EYA1: variants seen among roughly 807,000 people sequenced by gnomAD.
EYA1 encodes EYA transcriptional coactivator and phosphatase 1, also known as protein phosphatase EYA1.
Under a neutral mutation model 82.0 loss-of-function variants are expected in EYA1, and 16 were observed. The observed-to-expected ratio is 0.20, with a 90% CI of 0.13 to 0.30. The LOEUF is 0.30. EYA1 is among the 10% of genes least tolerant of loss of function. EYA1 has a pLI of 1.00. For synonymous variants in EYA1, 261 were observed against 264.4 expected (o/e 0.99, Z 0.12); for missense variants, 633 against 730.7 (o/e 0.87, Z 1.54).
Position 71,199,412 on chromosome 8 carries a change from C to T in EYA1, c.1707G>A (p.Met569Ile). The change falls in exon 18 of 18, where the codon ATG (methionine) becomes ATA (isoleucine). Residue 569 changes from methionine to isoleucine, a missense_variant. Met to Ile is a conservative substitution (Grantham distance 10). Transcript: ENST00000340726. ...AGTGGCTGGAGATCCTCCAGAAGGG[C>T]ATCGCGTGCTGCAGCAGAGGCACAC... ...EEEQGAKKHA[M>I]PFWRISSHSD... 6.2e-7 allele frequency: 1 copy of T among 1,612,498 alleles called. No individual in the cohort carries two copies. Among genetic ancestry groups the T allele is most frequent in the Non-Finnish European group, 8.5e-7 (1 of 1,179,404 alleles).
intron 2 of EYA1, among the ~76,000 whole-genome samples, chr8:71,377,838 A>T (rs1828463693): frequency 6.6e-6 from 1 of 152,180 alleles, no homozygotes; most frequent in Non-Finnish European, 1.5e-5. Context: ...ATCATGTTAT[A>T]AGTGTAGCAT....
chr8:71,252,525 G>A (rs1279196170), intron 11 of EYA1, among the ~76,000 whole-genome samples: 1 of 152,096 alleles, frequency 6.6e-6, no homozygotes, highest in African/African-American at 2.4e-5. Flanking sequence ...ATATTTTTAA[G>A]AGCTCAGTCA....
At chr8:71,430,553 C>G (rs1044185066) in intron 2 of EYA1, among the ~76,000 whole-genome samples, 1 of 152,208 alleles carries the variant, frequency 6.6e-6, no homozygotes, top group Non-Finnish European at 1.5e-5. Context: ...ATCTTCAGGA[C>G]AGTGCCCTGC....
intron 3 of EYA1, among the ~76,000 whole-genome samples, chr8:71,347,255 CAGA>C (rs1417368413): frequency 1.3e-5 from 2 of 152,210 alleles, no homozygotes; most frequent in African/African-American, 4.8e-5. Flanking sequence ...ATTGTATTCA[CAGA>C]CTGGTCACTT....
At chr8:71,488,029 CA>C (rs1366698526) in intron 2 of EYA1, among the ~76,000 whole-genome samples, 1 of 151,218 alleles carries the variant, frequency 6.6e-6, no homozygotes, top group Admixed American at 6.6e-5. Context: ...TCACAACAAC[CA>C]AAAAAAGGAG....
At chr8:71,366,619 C>G (rs1447134511), upstream of EYA1, among the ~76,000 whole-genome samples, 1 of 152,160 alleles carries the variant, frequency 6.6e-6, no homozygotes, top group Non-Finnish European at 1.5e-5. Flanking sequence ...TCTTCGGAAA[C>G]AATGAATAGC....
intron 2 of EYA1, among the ~76,000 whole-genome samples, chr8:71,429,542 T>C (rs1805479175): frequency 6.6e-6 from 1 of 152,080 alleles, no homozygotes; most frequent in South Asian, 2.1e-4. Context: ...TCAATTCCAG[T>C]ATGAAACAGA....
chr8:71,478,279 A>C (rs984050050), intron 2 of EYA1, among the ~76,000 whole-genome samples: 4 of 152,188 alleles, frequency 2.6e-5, no homozygotes, highest in Non-Finnish European at 4.4e-5. Flanking sequence ...AAAAATAGGT[A>C]GAAAAAGATC....
rs928536945 is a variant in EYA1 at position 71,463,674 on chromosome 8, A to G, written c.33+72070T>C. 2.2e-5 allele frequency among the ~76,000 whole-genome samples: 3 copies of G among 137,552 alleles called. No homozygotes were observed. The Admixed American group carries it at 2.4e-4, about 11-fold the overall frequency. The allele number at this position is 137,552 out of a possible 152,430, so 90.2% of individuals were successfully genotyped here. On this transcript the variant is annotated intron_variant, in intron 2 of 18. Transcript: ENST00000643681. ...CCACACACACACTCACAGAGTACAC[A>G]TATACACATATATTTACATATACAT...
At chr8:71,429,535 A>G (rs1433348218) in intron 2 of EYA1, among the ~76,000 whole-genome samples, 1 of 152,200 alleles carries the variant, frequency 6.6e-6, no homozygotes, top group African/African-American at 2.4e-5. Context: ...ACAGAAATCA[A>G]TTCCAGTATG....
At chr8:71,341,816 A>C (rs1475745711) in intron 3 of EYA1, among the ~76,000 whole-genome samples, 1 of 152,214 alleles carries the variant, frequency 6.6e-6, no homozygotes, top group Non-Finnish European at 1.5e-5. Flanking sequence ...ACACATCCAG[A>C]CTAAACTTGA....
chr8:71,215,201 G>C (rs1463091192), intron 16 of EYA1, among the ~76,000 whole-genome samples, 186 bp downstream of exon 16: 1 of 152,108 alleles, frequency 6.6e-6, no homozygotes, highest in East Asian at 1.9e-4. Flanking sequence ...TGTGACTTCA[G>C]CTACTGTATT....
intron 7 of EYA1, among the ~76,000 whole-genome samples, chr8:71,316,101 C>A (rs180948491): frequency 9.2e-5 from 14 of 151,974 alleles, no homozygotes; most frequent in African/African-American, 3.4e-4. Flanking sequence ...GAAGAAAAAA[C>A]GTTTTATGTT....
chr8:71,264,681 G>A (rs1389393292), intron 11 of EYA1, among the ~76,000 whole-genome samples: 6 of 151,464 alleles, frequency 4.0e-5, no homozygotes, highest in Non-Finnish European at 8.8e-5. Context: ...AGGCTCAAGC[G>A]ATCCTCCTAC....
At chr8:71,383,150 T>G (rs1385425793) in intron 2 of EYA1, among the ~76,000 whole-genome samples, 1 of 151,926 alleles carries the variant, frequency 6.6e-6, no homozygotes, top group Non-Finnish European at 1.5e-5. Context: ...AAAATACAAA[T>G]TTACATGACA....
chr8:71,433,990 A>T (rs1006192535), intron 2 of EYA1, among the ~76,000 whole-genome samples: 1 of 152,192 alleles, frequency 6.6e-6, no homozygotes, highest in Non-Finnish European at 1.5e-5. Context: ...CCAGAGTTGC[A>T]GCGGTGGAGT....
intron 11 of EYA1, among the ~76,000 whole-genome samples, chr8:71,249,784 C>T (rs1813526326): frequency 1.3e-5 from 2 of 152,188 alleles, no homozygotes; most frequent in African/African-American, 2.4e-5. Flanking sequence ...ATATCAATTA[C>T]TTATTGGTCA....
At chr8:71,507,403 T>C (rs910880027) in intron 2 of EYA1, among the ~76,000 whole-genome samples, 5 of 152,166 alleles carry the variant, frequency 3.3e-5, no homozygotes, top group African/African-American at 1.2e-4. Context: ...GACAAAATTT[T>C]AAAAATTTTC....
intron 9 of EYA1, among the ~76,000 whole-genome samples, chr8:71,277,476 AC>A (rs1428556657): frequency 6.6e-6 from 1 of 151,918 alleles, no homozygotes; most frequent in Non-Finnish European, 1.5e-5. Context: ...TCAACTCCTT[AC>A]CCTCTCCGCT....
Sources: allele counts gnomAD v4.1 joint callset (sites outside exome capture counted in the v4.1 genomes callset), GRCh38; gene constraint gnomAD v4.1.1; transcripts MANE v1.5; gene names NCBI Gene and HGNC (gene_info 2026-07-23, HGNC 2026-07-21).